Variants in PRKCB observed in about 807,000 individuals in gnomAD.
PRKCB encodes protein kinase C beta.
In PRKCB, 13 loss-of-function variants were observed where a neutral mutation model predicts 81.5. The observed-to-expected ratio is 0.16, with a 90% CI of 0.10 to 0.25. The LOEUF is 0.25. Among genes scored for constraint, PRKCB ranks in the 10% least tolerant of loss-of-function variants. PRKCB has a pLI of 1.00. For synonymous variants in PRKCB, 335 were observed against 321.4 expected, an observed-to-expected ratio of 1.04 and a Z score of -0.45; for missense variants, 509 against 875.7, an observed-to-expected ratio of 0.58 and a Z score of 5.29.
At chr16:23,927,126 C>T (rs539781530) in intron 2 of PRKCB, among the ~76,000 whole-genome samples, 1 of 152,118 alleles carries the variant, frequency 6.6e-6, no homozygotes, top group Non-Finnish European at 1.5e-5. Flanking sequence ...TGGCTGTAAG[C>T]GCATGGTGTG....
chr16:24,134,372 G>T (rs1276940615), intron 9 of PRKCB, among the ~76,000 whole-genome samples: 1 of 152,098 alleles, frequency 6.6e-6, no homozygotes, highest in Non-Finnish European at 1.5e-5. Context: ...AAGCCTGGAG[G>T]ATTGCTTGAG....
chr16:23,871,769 G>A (rs1205095975), intron 2 of PRKCB, among the ~76,000 whole-genome samples: 1 of 151,752 alleles, frequency 6.6e-6, no homozygotes, highest in African/African-American at 2.4e-5. Flanking sequence ...GTAGAGACAG[G>A]GTTTCATCAT....
chr16:23,860,282 G>A (rs970677987), intron 2 of PRKCB, among the ~76,000 whole-genome samples: 7 of 152,112 alleles, frequency 4.6e-5, no homozygotes, highest in Non-Finnish European at 8.8e-5. Flanking sequence ...GAGGGAGTCC[G>A]GGTTTGGGTG....
intron 2 of PRKCB, among the ~76,000 whole-genome samples, chr16:23,901,100 A>AT (rs893194506): frequency 1.3e-5 from 2 of 151,892 alleles, no homozygotes; most frequent in African/African-American, 2.4e-5. Context: ...TACAAGATTA[A>AT]TTTTTTTTCC....
intron 3 of PRKCB, among the ~76,000 whole-genome samples, chr16:24,001,855 T>A (rs1239147981): frequency 6.6e-6 from 1 of 152,136 alleles, no homozygotes; most frequent in African/African-American, 2.4e-5. Flanking sequence ...GCCCATTGAC[T>A]CCTGAGAAGG....
intron 5 of PRKCB, among the ~76,000 whole-genome samples, chr16:24,073,379 T>C (rs1966138656): frequency 6.6e-6 from 1 of 152,218 alleles, no homozygotes; most frequent in Non-Finnish European, 1.5e-5. Context: ...TCTCCCAGGC[T>C]GGAGTACGGT....
intron 2 of PRKCB, 149 bp downstream of exon 2, chr16:23,837,555 C>T: frequency 1.0e-6 from 1 of 997,490 alleles, no homozygotes; most frequent in South Asian, 1.6e-5. Flanking sequence ...ACAACAGGGT[C>T]CTTTCAAGGG....
chr16:23,906,273 C>T (rs554633815), intron 2 of PRKCB, among the ~76,000 whole-genome samples: 1 of 152,150 alleles, frequency 6.6e-6, no homozygotes, highest in East Asian at 1.9e-4. Flanking sequence ...TCTTAATTTA[C>T]ATCTCTTTGC....
chr16:24,149,861 A>G (rs1023622816), intron 9 of PRKCB, among the ~76,000 whole-genome samples: 4 of 152,252 alleles, frequency 2.6e-5, no homozygotes, highest in African/African-American at 4.8e-5. Context: ...TCAAAGTAAT[A>G]TAAATAAAAA....
intron 5 of PRKCB, among the ~76,000 whole-genome samples, chr16:24,054,319 T>C (rs549244619): frequency 5.3e-5 from 8 of 152,308 alleles, no homozygotes; most frequent in African/African-American, 1.9e-4. Flanking sequence ...GCTTTCCCAA[T>C]GGTAGGCAAT....
At chr16:24,179,024 T>C (rs1156512839) in intron 12 of PRKCB, among the ~76,000 whole-genome samples, 1 of 152,216 alleles carries the variant, frequency 6.6e-6, no homozygotes, top group Non-Finnish European at 1.5e-5. Flanking sequence ...TATATTAGAT[T>C]GCTTCTTTTC....
At position 24,219,773 on chromosome 16, in the gene PRKCB, C is replaced by G. The variant is rs2141998972; in HGVS notation, c.*4957C>G. On this transcript the variant is annotated 3_prime_UTR_variant, in exon 17 of 17. Transcript: ENST00000643927. Reference sequence around the variant, plus strand: ...TTCTTAGAAAATTTCCACCACATTTCTATCCCCAAGCCAACATACAATGTG... The same window carrying G: ...TTCTTAGAAAATTTCCACCACATTTGTATCCCCAAGCCAACATACAATGTG... 7.1e-7 allele frequency: 1 copy of G among 1,399,108 alleles called. No individual in the cohort carries two copies. Among genetic ancestry groups the G allele is most frequent in the East Asian group, 2.6e-5 (1 of 38,522 alleles). 86.7% of individuals were successfully genotyped at this position (1,399,108 alleles called of 1,614,324 possible).
chr16:23,954,329 C>T (rs1964323075), intron 2 of PRKCB, among the ~76,000 whole-genome samples: 1 of 152,060 alleles, frequency 6.6e-6, no homozygotes. Context: ...CTTGGCTAAT[C>T]TTTGTGACCA....
intron 2 of PRKCB, among the ~76,000 whole-genome samples, chr16:23,874,645 G>A (rs1962967116): frequency 6.8e-6 from 1 of 146,324 alleles, no homozygotes. Flanking sequence ...ATTGTGAAGT[G>A]TTGGTAAGTT....
At chr16:23,981,069 A>G (rs1193419897) in intron 2 of PRKCB, among the ~76,000 whole-genome samples, 1 of 152,048 alleles carries the variant, frequency 6.6e-6, no homozygotes, top group African/African-American at 2.4e-5. Flanking sequence ...GTAACAAATT[A>G]CCACAAATTT....
chr16:23,950,132 A>AGTT (rs55986931), intron 2 of PRKCB, among the ~76,000 whole-genome samples: 18,955 of 97,718 alleles, frequency 0.19, 7,194 homozygotes, highest in East Asian at 0.48. Flanking sequence ...TATGATTTGA[A>AGTT]TTTTTTTTTT....
chr16:23,918,401 ATTTTTT>A (rs772297307), intron 2 of PRKCB, among the ~76,000 whole-genome samples: 6 of 150,814 alleles, frequency 4.0e-5, no homozygotes, highest in African/African-American at 7.3e-5. Flanking sequence ...TATTATTATT[ATTTTTT>A]TTTTTTTGAA....
chr16:23,865,986 A>T (rs956955220), intron 2 of PRKCB, among the ~76,000 whole-genome samples: 7 of 152,030 alleles, frequency 4.6e-5, no homozygotes, highest in Non-Finnish European at 1.0e-4. Flanking sequence ...ATCCTGTGGG[A>T]TTCTATCCTT....
At chr16:23,871,403 CT>C (rs1328218568) in intron 2 of PRKCB, among the ~76,000 whole-genome samples, 2 of 152,180 alleles carry the variant, frequency 1.3e-5, no homozygotes, top group African/African-American at 4.8e-5. Context: ...CCTTCTCTCT[CT>C]TCTTTGACTT....
Sources: gnomAD v4.1 joint callset for allele counts (sites outside exome capture counted in the v4.1 genomes callset) on GRCh38, gnomAD v4.1.1 for gene constraint, MANE v1.5 for transcripts, NCBI Gene and HGNC (gene_info 2026-07-23, HGNC 2026-07-21) for gene names.